RNF213: variants seen among roughly 807,000 people sequenced by gnomAD.
RNF213 encodes the protein E3 ubiquitin-protein ligase RNF213.
A neutral mutation model predicts 514.4 loss-of-function variants in RNF213; 341 were observed. The observed-to-expected ratio is 0.66, with a 90% CI of 0.61 to 0.73. The LOEUF is 0.73. Ranked by LOEUF, RNF213 falls within the 30% of genes least tolerant of loss-of-function variation. RNF213 has a pLI of 0.00. For synonymous variants in RNF213, 2,655 were observed against 2,658.2 expected (o/e 1.00, Z 0.04); for missense variants, 5,767 against 6,615.6 (o/e 0.87, Z 4.45).
Position 80,349,866 on chromosome 17 carries a change from C to T in RNF213, c.10048C>T (p.Gln3350Ter). The T allele has an allele frequency of 6.2e-7, 1 of 1,614,064 alleles. No individual in the cohort carries two copies. Among genetic ancestry groups the T allele is most frequent in the South Asian group, 1.1e-5 (1 of 91,066 alleles). The stretch of plus-strand genomic sequence containing the variant: ...TCCGAAACCCACACTCCTGTGGCTG[C>T]AGCAGTTTGACACCGAGTACTCATT... ...RAPKPTLLWL[Q>*]QFDTEYSFLK... Residue 3350 changes from glutamine to a stop codon, truncating the protein, a stop_gained, in exon 30 of 68, where the codon CAG becomes TAG. Coordinates refer to ENST00000582970, the MANE Select transcript of RNF213 (RefSeq NM_001256071.3). LOFTEE classifies it high-confidence loss of function.
chr17:80,339,583 G>GGGAT lies in RNF213; in HGVS notation c.5218_5221dup (p.Val1741GlyfsTer12), dbSNP rs1346660397. On this transcript the variant is annotated frameshift_variant, in exon 26 of 68. Transcript: ENST00000582970. LOFTEE classifies it high-confidence loss of function. ...TTCATCAAAAGCAACTGCACCCTGA[G>GGGAT]GGATGTCTTAAGGGCCTCTGTGGGG... The GGGAT allele has an allele frequency of 2.0e-6, 3 of 1,537,230 alleles. No homozygotes were observed. The Admixed American group carries it at 5.9e-5, about 30-fold the overall frequency.
At position 80,263,204 on chromosome 17, in the gene RNF213, T is replaced by C. The variant is rs1457077615; in HGVS notation, c.-108-370T>C. Among the ~76,000 whole-genome samples, 2 of 152,126 alleles carry C rather than the reference T, an allele frequency of 1.3e-5. No individual in the cohort carries two copies. The highest frequency in any genetic ancestry group is 2.4e-5 in the African/African-American group (1 of 41,438). ...ACTAGGAATCTGACTGCCAGCCCAG[T>C]AGCCCTGGGCTGCCTGCTCAGGCCC... On this transcript the variant is annotated intron_variant, in intron 1 of 67. Transcript: ENST00000582970. This position sits in a 1 kb window ranked among gnomAD's most constrained non-coding sequence, Gnocchi z 4.9.
chr17:80,302,393 C>A (rs2045211973), intron 11 of RNF213, among the ~76,000 whole-genome samples: 1 of 152,096 alleles, frequency 6.6e-6, no homozygotes, highest in Admixed American at 6.6e-5. Context: ...GTACAGATTA[C>A]AGACTGTATA....
Position 80,261,740 on chromosome 17 carries a change from C to T in RNF213, c.-109+838C>T, listed in dbSNP as rs959090578. ...GGAACAATAAGATGCTTTAGGGGGC[C>T]GGGCGCAGTGGCTAATGCCTGTAAT... On this transcript the variant is annotated intron_variant, in intron 1 of 67. Transcript: ENST00000582970. Among the ~76,000 whole-genome samples the T allele has an allele frequency of 2.0e-5, 3 of 152,292 alleles. 1 individual carries two copies. The highest frequency in any genetic ancestry group is 2.0e-4 in the Admixed American group (3 of 15,294).
Position 80,332,337 on chromosome 17 carries a change from C to T in RNF213, c.3849C>T (p.Tyr1283=). The T allele has an allele frequency of 6.5e-7, 1 of 1,537,210 alleles. No individual in the cohort carries two copies. Among genetic ancestry groups the T allele is most frequent in the Non-Finnish European group, 8.7e-7 (1 of 1,146,918 alleles). The change falls in exon 21 of 68, where the codon TAC becomes TAT. Residue 1283 remains tyrosine, a synonymous_variant. Transcript: ENST00000582970. ...EVYDYLYQPS[Y]RKFIKLHQDL... is the part of the protein sequence containing the mutation. ...ATGACTATTTGTATCAGCCTTCTTA[C>T]AGAAAGTTCATTAAGTTGCACCAGG...
rs147553652 is a variant in RNF213 at position 80,354,779 on chromosome 17, C to T, written c.10862+203C>T. On this transcript the variant is annotated intron_variant, in intron 36 of 67. Transcript: ENST00000582970. ...GCCAAATGGCAGGTGCTGGACTCTTCCTCTAATTTCGTGTTTACAGTTTTT... is the reference window on the plus strand; with the variant it reads ...GCCAAATGGCAGGTGCTGGACTCTTTCTCTAATTTCGTGTTTACAGTTTTT... 4,543 of 628,384 alleles carry T rather than the reference C, an allele frequency of 7.2e-3. 25 individuals carry two copies. The highest frequency in any genetic ancestry group is 0.01 in the Middle Eastern group (24 of 2,346). The allele number at this position is 628,384 out of a possible 1,614,324, so 38.9% of individuals were successfully genotyped here.
rs540941842 is a variant in RNF213, at chr17:80,268,234, G to A, written c.97+4456G>A. On this transcript the variant is annotated intron_variant, in intron 2 of 67. Transcript: ENST00000582970. ...TTCCATATCTTGGCTATTGTGAATC[G>A]TGCTACAGTGAGCATGGGTGTGCAT... Among the ~76,000 whole-genome samples, 15 of 151,740 alleles carry A rather than the reference G, an allele frequency of 9.9e-5. No individual in the cohort carries two copies. The East Asian group carries it at 1.9e-3, about 20-fold the overall frequency.
At position 80,347,799 on chromosome 17, in the gene RNF213, A is replaced by C; in HGVS notation, c.9464A>C (p.Asp3155Ala). 6.2e-7 allele frequency: 1 copy of C among 1,614,202 alleles called. No individual in the cohort carries two copies. Among genetic ancestry groups the C allele is most frequent in the South Asian group, 1.1e-5 (1 of 91,084 alleles). ...CGCCTGATTGTCATTGAAGAGAAAGACGTCGTGTACAAACACTTTCCCATC... is the reference window on the plus strand; with the variant it reads ...CGCCTGATTGTCATTGAAGAGAAAGCCGTCGTGTACAAACACTTTCCCATC... ...NFRLIVIEEK[D>A]VVYKHFPIPL... Residue 3155 changes from aspartate (D) to alanine (A), a missense_variant, in exon 29 of 68, where the codon GAC (aspartate) becomes GCC (alanine). Physicochemically the swap from Asp to Ala is moderately radical, Grantham distance 126. Around this residue, in one of 13 missense-constraint regions of RNF213, gnomAD observed 919 missense variants for 1,121.0 expected, o/e 0.82. Coordinates refer to ENST00000582970, the MANE Select transcript of RNF213 (RefSeq NM_001256071.3). This position sits in a 1 kb window ranked among gnomAD's most constrained non-coding sequence, Gnocchi z 7.2.
At chr17:80,275,773 C>T (rs1268511513) in intron 3 of RNF213, among the ~76,000 whole-genome samples, 1 of 151,990 alleles carries the variant, frequency 6.6e-6, no homozygotes, top group Non-Finnish European at 1.5e-5. Context: ...AGTGATTGTC[C>T]TACTTCAGCC....
At chr17:80,307,627 G>A (rs1219202763) in intron 13 of RNF213, among the ~76,000 whole-genome samples, 1 of 150,520 alleles carries the variant, frequency 6.6e-6, no homozygotes, top group Non-Finnish European at 1.5e-5. Context: ...TTGGCTCACT[G>A]CAACCTCTGC....
intron 19 of RNF213, 48 bp from the exon 20 acceptor site, chr17:80,328,280 G>T (rs1172402904): frequency 6.6e-7 from 1 of 1,504,946 alleles, no homozygotes; most frequent in South Asian, 1.3e-5. Context: ...ATGGAAAATG[G>T]CATTTGTTGC....
chr17:80,291,483 A>G lies in RNF213; in HGVS notation c.1272-145A>G, dbSNP rs1195423670. ...AGAAGTCCTCCCGCCTCAGCCTCCCATGGTGTTGGGATTTCAGGCATGGGC... is the reference window on the plus strand; with the variant it reads ...AGAAGTCCTCCCGCCTCAGCCTCCCGTGGTGTTGGGATTTCAGGCATGGGC... On this transcript the variant is annotated intron_variant, in intron 7 of 67. Transcript: ENST00000582970. 5.0e-6 allele frequency: 4 copies of G among 800,328 alleles called. No individual in the cohort carries two copies. The Admixed American group carries it at 5.7e-5, about 11-fold the overall frequency. 49.6% of individuals were successfully genotyped at this position (800,328 alleles called of 1,614,324 possible). A position where few individuals can be genotyped will look rare whatever the true frequency, so the allele number is the denominator to read the frequency against.
chr17:80,330,886 C>T (rs1480450660), intron 20 of RNF213, among the ~76,000 whole-genome samples: 2 of 152,268 alleles, frequency 1.3e-5, no homozygotes, highest in East Asian at 1.9e-4. Flanking sequence ...GGCTCAGTCT[C>T]GGCTCACTGC....
chr17:80,385,390 G>C, intron 60 of RNF213, 148 bp from the exon 61 acceptor site: 1 of 881,526 alleles, frequency 1.1e-6, no homozygotes, highest in Non-Finnish European at 1.9e-6. Flanking sequence ...CCTCAAACTC[G>C]GCTCACTCCT....
At chr17:80,300,207 C>G (rs1490035580) in intron 11 of RNF213, among the ~76,000 whole-genome samples, 3 of 152,046 alleles carry the variant, frequency 2.0e-5, no homozygotes, top group Non-Finnish European at 4.4e-5. Flanking sequence ...TCACCAGCAT[C>G]TGTTATTTTT....
chr17:80,372,184 G>A (rs539409630), intron 47 of RNF213, among the ~76,000 whole-genome samples, 199 bp downstream of exon 47: 1 of 152,346 alleles, frequency 6.6e-6, no homozygotes, highest in South Asian at 2.1e-4. Flanking sequence ...ATACAAAACA[G>A]AACAGCCTAG....
chr17:80,360,110 T>G lies in RNF213; in HGVS notation c.11104T>G (p.Ser3702Ala). 6.2e-7 allele frequency: 1 copy of G among 1,614,116 alleles called. No homozygotes were observed. The highest frequency in any genetic ancestry group is 2.2e-5 in the East Asian group (1 of 44,878). ...YIVVQNHMNL[S>A]ENASNNVPFS... ...CGTGGTGCAGAACCACATGAACCTT[T>G]CCGAGAACGCTTCCAACAACGTCCC... The change falls in exon 38 of 68, where the codon TCC becomes GCC. Residue 3702 changes from serine to alanine, a missense_variant. Transcript: ENST00000582970.
chr17:80,331,850 G>T (rs1276787562), intron 20 of RNF213, among the ~76,000 whole-genome samples, 156 bp from the exon 21 acceptor site: 1 of 152,196 alleles, frequency 6.6e-6, no homozygotes, highest in Non-Finnish European at 1.5e-5. Flanking sequence ...AGCGGGGAGG[G>T]AAAGACCTGT....
intron 38 of RNF213, among the ~76,000 whole-genome samples, chr17:80,361,114 C>T (rs1376661615): frequency 6.6e-6 from 1 of 152,176 alleles, no homozygotes; most frequent in African/African-American, 2.4e-5. Context: ...AGCCATGCAA[C>T]ATACAATGTA....
Sources: gnomAD v4.1 joint callset for allele counts (sites outside exome capture counted in the v4.1 genomes callset) on GRCh38, gnomAD v4.1.1 for gene constraint, gnomAD v4.1.1 regional missense constraint, Gnocchi (gnomAD v3.1) non-coding constraint, MANE v1.5 for transcripts, NCBI Gene and HGNC (gene_info 2026-07-23, HGNC 2026-07-21) for gene names.